Variants in KLHL22 observed in about 807,000 individuals in gnomAD.
KLHL22 encodes kelch like family member 22, also known as kelch-like protein 22.
In KLHL22, 18 loss-of-function variants were observed where a neutral mutation model predicts 60.7. The ratio of observed to expected loss-of-function variants is 0.30; its 90% CI spans 0.20 to 0.44. The LOEUF (loss-of-function observed/expected upper bound fraction) is 0.44, where lower values mean the gene tolerates loss of function less well. Ranked by LOEUF, KLHL22 falls within the 20% of genes least tolerant of loss-of-function variation. The pLI, the probability that KLHL22 is intolerant of heterozygous loss-of-function variation, is 1.00. For synonymous variants in KLHL22, 355 were observed against 354.5 expected, an observed-to-expected ratio of 1.00 and a Z score of -0.01; for missense variants, 596 against 852.3, an observed-to-expected ratio of 0.70 and a Z score of 3.74.
At chr22:20,487,680 C>T (rs1232694069) in intron 2 of KLHL22, among the ~76,000 whole-genome samples, 4 of 152,180 alleles carry the variant, frequency 2.6e-5, no homozygotes, top group Admixed American at 6.5e-5. Context: ...AGCAGGACAC[C>T]TCTCATAAGA....
intron 2 of KLHL22, chr22:20,488,668 G>GTC: frequency 1.2e-4 from 51 of 420,418 alleles, no homozygotes; most frequent in Admixed American, 3.1e-4. Flanking sequence ...ACTGACGGAG[G>GTC]GGAGGAATGG....
chr22:20,465,016 G>T lies in KLHL22; in HGVS notation c.954C>A (p.Ala318=). 2.5e-6 allele frequency: 4 copies of T among 1,611,700 alleles called. No homozygotes were observed. Among genetic ancestry groups the T allele is most frequent in the Non-Finnish European group, 2.5e-6 (3 of 1,178,822 alleles). ...STPSTVLSDQ[A]KYLNPLLGEW... ...CTCCCAGTAAGGGGTTTAGATACTT[G>T]GCCTGGTCGCTGAGGACAGTGGACG... The change falls in exon 4 of 7, where the codon GCC becomes GCA. Residue 318 remains alanine (A), a synonymous_variant. Coordinates refer to ENST00000328879, the MANE Select transcript of KLHL22 (RefSeq NM_032775.4). This position sits in a 1 kb window ranked among gnomAD's most constrained non-coding sequence, Gnocchi z 4.9.
At chr22:20,442,905 CAG>C (rs2052786530) in intron 6 of KLHL22, among the ~76,000 whole-genome samples, 1 of 152,340 alleles carries the variant, frequency 6.6e-6, no homozygotes, top group South Asian at 2.1e-4. Flanking sequence ...GGCAGTAGGA[CAG>C]GGGGAGGAGA....
intron 2 of KLHL22, among the ~76,000 whole-genome samples, chr22:20,473,046 G>A (rs891687227): frequency 1.3e-5 from 2 of 152,180 alleles, no homozygotes; most frequent in Non-Finnish European, 1.5e-5. Flanking sequence ...TCTAGGGTAG[G>A]TACAGTCCAG....
At chr22:20,453,942 C>T (rs1275739669) in intron 5 of KLHL22, among the ~76,000 whole-genome samples, 3 of 152,032 alleles carry the variant, frequency 2.0e-5, no homozygotes, top group Non-Finnish European at 2.9e-5. Context: ...ACCATGTTGG[C>T]CAGGCTGGTC....
Position 20,442,211 on chromosome 22 carries a change from A to G in KLHL22, c.1767T>C (p.Cys589=). 6.2e-7 allele frequency: 1 copy of G among 1,602,856 alleles called. No homozygotes were observed. The highest frequency in any genetic ancestry group is 1.1e-5 in the South Asian group (1 of 89,380). ...GCAGGGAGCGGGGCAGGGTGAGCAC[A>G]CAGGCCGCCAGGCCTGAGATGGAGT... ...LDNSISGLAA[C]VLTLPRSLLL... The change falls in exon 7 of 7, where the codon TGT becomes TGC. Residue 589 remains cysteine (C), a synonymous_variant. Coordinates refer to ENST00000328879, the MANE Select transcript of KLHL22 (RefSeq NM_032775.4).
At position 20,446,516 on chromosome 22, in the gene KLHL22, G is replaced by A; in HGVS notation, c.1466C>T (p.Ala489Val). The A allele has an allele frequency of 6.2e-7, 1 of 1,613,320 alleles. No individual in the cohort carries two copies. The change falls in exon 6 of 7, where the codon GCA becomes GTA. Residue 489 changes from alanine to valine, a missense_variant. By Grantham distance (64) the Ala-to-Val change is moderately conservative (BLOSUM62 0). Coordinates refer to ENST00000328879, the MANE Select transcript of KLHL22 (RefSeq NM_032775.4). ...CACATACAGCTTGTTGAGGAGGGTT[G>A]CCATGCCGTGCCAGGCGCGCCGCAC... ...GPVRRAWHGM[A>V]TLLNKLYVIG...
At chr22:20,482,674 G>A (rs2053522692) in intron 2 of KLHL22, 2 of 532,780 alleles carry the variant, frequency 3.8e-6, no homozygotes, top group East Asian at 6.8e-5. Context: ...CCAGGTTCAA[G>A]CGGTACTTCT....
intron 2 of KLHL22, chr22:20,481,965 T>G (rs2053510257): frequency 6.6e-6 from 1 of 152,320 alleles, no homozygotes; most frequent in African/African-American, 2.4e-5. Context: ...GTGTCCAGGC[T>G]GCAGTGCAGT....
Position 20,464,957 on chromosome 22 carries a change from C to T in KLHL22, c.1013G>A (p.Arg338His), listed in dbSNP as rs571498391. The T allele has an allele frequency of 5.6e-6, 9 of 1,606,910 alleles. No individual in the cohort carries two copies. The African/African-American group carries it at 8.0e-5, about 14-fold the overall frequency. Residue 338 changes from arginine (R) to histidine (H), a missense_variant, in exon 4 of 7, where the codon CGC (arginine) becomes CAC (histidine). Arg to His is a conservative substitution (Grantham distance 29). Coordinates refer to ENST00000328879, the MANE Select transcript of KLHL22 (RefSeq NM_032775.4). Reference sequence around the variant, plus strand: ...CACCGCGATGCCCTGGTTGGACATGCGGGGGGCCAGGGAGGCAGTGAAGTG... The same window carrying T: ...CACCGCGATGCCCTGGTTGGACATGTGGGGGGCCAGGGAGGCAGTGAAGTG... ...WKHFTASLAP[R>H]MSNQGIAVLN...
At position 20,495,161 on chromosome 22, in the gene KLHL22, G is replaced by C. The variant is rs1344722944; in HGVS notation, c.-34+599C>G. Among the ~76,000 whole-genome samples the C allele has an allele frequency of 6.6e-6, 1 of 152,316 alleles. No homozygotes were observed. Among genetic ancestry groups the C allele is most frequent in the South Asian group, 2.1e-4 (1 of 4,828 alleles). ...GGAAGGTGGCGGTGCCCCGCTGCCC[G>C]CCCCAGATCCACTCGGCTCGGCCCG... On this transcript the variant is annotated intron_variant, in intron 1 of 6. Transcript: ENST00000328879. The surrounding 1 kb of genome is among the most constrained non-coding windows in gnomAD (Gnocchi z 4.6).
rs1301881628 is a variant in KLHL22, at chr22:20,470,789, TGG to T, written c.393+559_393+560del. ...ATGCATGCATGGATGGATGGATAGA[TGG>T]ATGGATGGATGGATGGATGGATGGA... is the stretch of plus-strand genomic sequence containing the variant. On this transcript the variant is annotated intron_variant, in intron 3 of 6. Coordinates refer to ENST00000328879, the MANE Select transcript of KLHL22 (RefSeq NM_032775.4). Among the ~76,000 whole-genome samples, 15 of 141,016 alleles carry T rather than the reference TGG, an allele frequency of 1.1e-4. No individual in the cohort carries two copies. In the East Asian group the frequency reaches 1.8e-3, roughly 17 times the overall value. 92.5% of individuals were successfully genotyped at this position (141,016 alleles called of 152,430 possible). A position where few individuals can be genotyped will look rare whatever the true frequency, so the allele number is the denominator to read the frequency against.
rs769097421 is a variant in KLHL22 at position 20,465,089 on chromosome 22, C to T, written c.881G>A (p.Arg294Gln). The T allele has an allele frequency of 1.9e-6, 3 of 1,613,688 alleles. No individual in the cohort carries two copies. Among genetic ancestry groups the T allele is most frequent in the Non-Finnish European group, 2.5e-6 (3 of 1,179,848 alleles). ...PSLQSPQTEL[R>Q]SDFQCVVGFG... ...GCCCACAACGCACTGGAAGTCCGAC[C>T]GCAGCTCCGTTTGCGGGCTCTGCAG... The change falls in exon 4 of 7, where the codon CGG becomes CAG. Residue 294 changes from arginine to glutamine, a missense_variant. Coordinates refer to ENST00000328879, the MANE Select transcript of KLHL22 (RefSeq NM_032775.4). This position sits in a 1 kb window ranked among gnomAD's most constrained non-coding sequence, Gnocchi z 4.9.
At position 20,489,116 on chromosome 22, in the gene KLHL22, G is replaced by A; in HGVS notation, c.96C>T (p.His32=). Residue 32 remains histidine, a synonymous_variant, in exon 2 of 7, where the codon CAC becomes CAT. Transcript: ENST00000328879. ...CVNNTYRSAQ[H]SQALLRGLLA... ...GCAGCCCTCGGAGCAGAGCCTGGGA[G>A]TGCTGTGCGCTGCGGTAGGTGTTGT... 1 of 1,614,170 alleles carries A rather than the reference G, an allele frequency of 6.2e-7. No homozygotes were observed. Among genetic ancestry groups the A allele is most frequent in the Admixed American group, 1.7e-5 (1 of 60,024 alleles).
chr22:20,458,096 T>A, intron 4 of KLHL22, 96 bp from the exon 5 acceptor site: 2 of 1,397,042 alleles, frequency 1.4e-6, no homozygotes, highest in Non-Finnish European at 2.0e-6. Context: ...CTGCTTTGCC[T>A]CAGCCCAGCC....
At chr22:20,451,757 G>A (rs1428889779) in intron 5 of KLHL22, 18 of 1,573,328 alleles carry the variant, frequency 1.1e-5, no homozygotes, top group Middle Eastern at 1.9e-4. Context: ...ATCAACAGCT[G>A]GGAAGTCGTG....
intron 5 of KLHL22, among the ~76,000 whole-genome samples, chr22:20,447,089 C>T (rs1279050839): frequency 6.6e-6 from 1 of 152,204 alleles, no homozygotes; most frequent in Non-Finnish European, 1.5e-5. Context: ...ATCCTCCGGG[C>T]CTGCTGACCC....
intron 3 of KLHL22, among the ~76,000 whole-genome samples, chr22:20,470,756 A>G (rs1239237180): frequency 1.3e-5 from 2 of 148,840 alleles, no homozygotes; most frequent in Non-Finnish European, 3.0e-5. Context: ...GCCTGCCACC[A>G]TGGATGGATG....
chr22:20,468,744 C>T (rs533761113), intron 3 of KLHL22, among the ~76,000 whole-genome samples: 6 of 152,226 alleles, frequency 3.9e-5, no homozygotes, highest in African/African-American at 1.4e-4. Context: ...ACTGAAGCCT[C>T]CACCTCCTGG....
Sources: allele counts gnomAD v4.1 joint callset (sites outside exome capture counted in the v4.1 genomes callset), GRCh38; gene constraint gnomAD v4.1.1; non-coding constraint Gnocchi (gnomAD v3.1); transcripts MANE v1.5; gene names NCBI Gene and HGNC (gene_info 2026-07-23, HGNC 2026-07-21).